SPACA1: variants seen among roughly 807,000 people sequenced by gnomAD.
SPACA1 encodes the protein sperm acrosome membrane-associated protein 1.
SPACA1 carries 17 observed loss-of-function variants against 32.6 expected under a neutral mutation model. The ratio of observed to expected loss-of-function variants is 0.52; its 90% CI spans 0.36 to 0.78. The LOEUF (loss-of-function observed/expected upper bound fraction) is 0.78, where lower values mean the gene tolerates loss of function less well. Ranked by LOEUF, SPACA1 falls within the 30% of genes least tolerant of loss-of-function variation. The pLI, the probability that SPACA1 is intolerant of heterozygous loss-of-function variation, is 0.01. For missense variants in SPACA1, 363 were observed against 373.4 expected (o/e 0.97, Z 0.23); for synonymous variants, 140 against 138.1 (o/e 1.01, Z -0.10).
At chr6:88,061,481 C>T (rs550213643) in intron 5 of SPACA1, among the ~76,000 whole-genome samples, 42 of 151,806 alleles carry the variant, frequency 2.8e-4, no homozygotes, top group African/African-American at 8.7e-4. Flanking sequence ...GAAAGTGGGG[C>T]GCGGAATGCC....
chr6:88,051,546 C>T (rs1450875200), intron 1 of SPACA1, among the ~76,000 whole-genome samples: 1 of 152,194 alleles, frequency 6.6e-6, no homozygotes, highest in Non-Finnish European at 1.5e-5. Context: ...TTCCTTATCA[C>T]TGTGGATGCC....
chr6:88,055,692 C>T (rs749011034), intron 2 of SPACA1, among the ~76,000 whole-genome samples: 6 of 152,216 alleles, frequency 3.9e-5, no homozygotes, highest in Non-Finnish European at 4.4e-5. Context: ...TGCTTTAAGC[C>T]GGGCGCGGTG....
At chr6:88,052,212 T>C (rs1366631814) in intron 1 of SPACA1, among the ~76,000 whole-genome samples, 1 of 152,236 alleles carries the variant, frequency 6.6e-6, no homozygotes, top group East Asian at 1.9e-4. Flanking sequence ...GAAACTTTCT[T>C]ATTTAGTCTC....
chr6:88,061,905 A>G (rs934997555), intron 5 of SPACA1, among the ~76,000 whole-genome samples: 63 of 152,262 alleles, frequency 4.1e-4, no homozygotes, highest in African/African-American at 1.5e-3. Context: ...TGACCCTTGC[A>G]AGACTACTGT....
rs368572755 is a variant in SPACA1 at position 88,058,784 on chromosome 6, C to A, written c.436C>A (p.Arg146Ser). The A allele has an allele frequency of 4.3e-6, 7 of 1,613,566 alleles. No individual in the cohort carries two copies. The highest frequency in any genetic ancestry group is 1.7e-5 in the Admixed American group (1 of 59,968). ...LACIHTSPLN[R>S]FKYMWKLLRQ... ...ATGTATTCACACATCTCCCTTAAAT[C>A]GTTTCAAATATATGTGGAAACTTCT... The change falls in exon 4 of 7, where the codon CGT (arginine) becomes AGT (serine). Residue 146 changes from arginine (R) to serine (S), a missense_variant. Coordinates refer to ENST00000237201, the MANE Select transcript of SPACA1 (RefSeq NM_030960.3).
chr6:88,050,122 A>G (rs1775707303), intron 1 of SPACA1, among the ~76,000 whole-genome samples: 2 of 152,214 alleles, frequency 1.3e-5, no homozygotes, highest in Admixed American at 6.5e-5. Context: ...TCATCACAAT[A>G]TGTTCATTTA....
intron 6 of SPACA1, among the ~76,000 whole-genome samples, chr6:88,065,087 C>T (rs949769474): frequency 2.0e-5 from 3 of 148,470 alleles, no homozygotes; most frequent in Admixed American, 6.8e-5. Flanking sequence ...GTGTAATGCT[C>T]ATGTAACTAT....
At chr6:88,056,483 T>C (rs766815148) in intron 2 of SPACA1, among the ~76,000 whole-genome samples, 3 of 152,340 alleles carry the variant, frequency 2.0e-5, no homozygotes, top group Middle Eastern at 3.4e-3. Context: ...TCTCCCTTAC[T>C]ATTCAACGTG....
chr6:88,057,309 A>G (rs1775824176), intron 2 of SPACA1, among the ~76,000 whole-genome samples: 1 of 152,260 alleles, frequency 6.6e-6, no homozygotes, highest in African/African-American at 2.4e-5. Context: ...AAAATTCCGT[A>G]GTAAAGCGGT....
upstream of SPACA1, chr6:88,047,832 G>T: frequency 7.2e-7 from 1 of 1,390,762 alleles, no homozygotes. Context: ...GGGTGTCGCA[G>T]CTCTCTTCGA....
At chr6:88,055,528 C>A (rs1775793860) in intron 2 of SPACA1, among the ~76,000 whole-genome samples, 1 of 152,174 alleles carries the variant, frequency 6.6e-6, no homozygotes, top group South Asian at 2.1e-4. Context: ...GATGAAAATT[C>A]TGTTAAACTC....
rs942414880 is a variant in SPACA1, at chr6:88,059,435, T to C, written c.475-18T>C. ...ATGAAAAATGTTGATACTTTGTTATTTTTTTCTTTTTAAATAGCAATCCAT... is the reference window on the plus strand; with the variant it reads ...ATGAAAAATGTTGATACTTTGTTATCTTTTTCTTTTTAAATAGCAATCCAT... On this transcript the variant is annotated intron_variant, in intron 4 of 6. Transcript: ENST00000237201. The C allele has an allele frequency of 6.3e-7, 1 of 1,578,062 alleles. No individual in the cohort carries two copies. The highest frequency in any genetic ancestry group is 8.6e-7 in the Non-Finnish European group (1 of 1,162,382).
intron 3 of SPACA1, among the ~76,000 whole-genome samples, chr6:88,058,278 T>C (rs1244552846): frequency 6.6e-6 from 1 of 152,242 alleles, no homozygotes; most frequent in Non-Finnish European, 1.5e-5. Flanking sequence ...ATCAGTCTTC[T>C]GTTCCTCTAC....
intron 6 of SPACA1, among the ~76,000 whole-genome samples, chr6:88,065,148 C>T (rs1236421104): frequency 2.0e-5 from 3 of 148,188 alleles, no homozygotes; most frequent in Non-Finnish European, 4.5e-5. Context: ...CATGTATACA[C>T]ACATATATTT....
chr6:88,053,772 T>C (rs1232029840), intron 1 of SPACA1, among the ~76,000 whole-genome samples, 174 bp from the exon 2 acceptor site: 1 of 152,214 alleles, frequency 6.6e-6, no homozygotes, highest in Non-Finnish European at 1.5e-5. Flanking sequence ...TGAGACTCTT[T>C]TGAGTTAGAC....
At position 88,059,605 on chromosome 6, in the gene SPACA1, G is replaced by T. The variant is rs1775862023; in HGVS notation, c.610+17G>T. The T allele has an allele frequency of 1.9e-6, 3 of 1,592,746 alleles. No homozygotes were observed. The highest frequency in any genetic ancestry group is 1.7e-6 in the Non-Finnish European group (2 of 1,170,682). On this transcript the variant is annotated intron_variant, in intron 5 of 6. Transcript: ENST00000237201. Reference sequence around the variant, plus strand: ...CGAGCAGTGGTAAGTGTCCAGCAATGTCTTGGTTTGCTTATATGCCAATCT... The same window carrying T: ...CGAGCAGTGGTAAGTGTCCAGCAATTTCTTGGTTTGCTTATATGCCAATCT...
chr6:88,052,724 C>A (rs891513486), intron 1 of SPACA1, among the ~76,000 whole-genome samples: 2 of 152,106 alleles, frequency 1.3e-5, no homozygotes, highest in Non-Finnish European at 2.9e-5. Context: ...GTAGTCCCAG[C>A]TACTCAGGAG....
At chr6:88,063,470 T>C (rs1057496254) in intron 5 of SPACA1, among the ~76,000 whole-genome samples, 2 of 152,184 alleles carry the variant, frequency 1.3e-5, no homozygotes, top group African/African-American at 4.8e-5. Context: ...TGTTTCAATT[T>C]ATATGTAGTT....
At chr6:88,064,943 A>G (rs993583813) in intron 6 of SPACA1, among the ~76,000 whole-genome samples, 10 of 148,334 alleles carry the variant, frequency 6.7e-5, no homozygotes, top group African/African-American at 2.2e-4. Flanking sequence ...ATGTATGTAT[A>G]ACATATATAT....
Sources: gnomAD v4.1 joint callset for allele counts (sites outside exome capture counted in the v4.1 genomes callset) on GRCh38, gnomAD v4.1.1 for gene constraint, MANE v1.5 for transcripts, NCBI Gene and HGNC (gene_info 2026-07-23, HGNC 2026-07-21) for gene names.